WDSUB1: variants seen among roughly 807,000 people sequenced by gnomAD.
The protein encoded by WDSUB1 is WD repeat, sterile alpha motif and U-box domain containing 1.
In WDSUB1, 49 loss-of-function variants were observed where a neutral mutation model predicts 53.9. That is an observed-to-expected ratio of 0.91 (90% CI 0.72 to 1.15). The LOEUF is 1.15. Ranked by LOEUF, WDSUB1 falls within the 50% of genes most tolerant of loss-of-function variation. The probability of loss-of-function intolerance (pLI) is 0.00; values close to 1 mark genes in which losing one functional copy is unlikely to be tolerated. For synonymous variants in WDSUB1, 194 were observed against 200.6 expected (o/e 0.97, Z 0.28); for missense variants, 514 against 562.0 (o/e 0.91, Z 0.86).
At position 159,254,994 on chromosome 2, in the gene WDSUB1, G is replaced by C. The variant is rs1444749199; in HGVS notation, c.1132+1202C>G. On this transcript the variant is annotated intron_variant, in intron 9 of 10. Coordinates refer to ENST00000359774, the MANE Select transcript of WDSUB1 (RefSeq NM_001128212.3). ...AATTTGTAAAAATAAGCTGGGCGTG[G>C]TAGCATGTGCATGTGGTCCCAATTA... Among the ~76,000 whole-genome samples, 3 of 152,124 alleles carry C rather than the reference G, an allele frequency of 2.0e-5. No individual in the cohort carries two copies. In the East Asian group the frequency reaches 5.8e-4, roughly 29 times the overall value.
intron 10 of WDSUB1, among the ~76,000 whole-genome samples, chr2:159,246,383 G>A (rs2060796479): frequency 7.1e-6 from 1 of 140,848 alleles, no homozygotes; most frequent in Non-Finnish European, 1.5e-5. Context: ...AGTGAGCAGA[G>A]ATCACACCAC....
At chr2:159,255,814 G>A (rs2061049910) in intron 9 of WDSUB1, among the ~76,000 whole-genome samples, 5 of 152,002 alleles carry the variant, frequency 3.3e-5, no homozygotes. Flanking sequence ...ATAGTGTCTG[G>A]CAATTATGTT....
At chr2:159,253,287 A>G (rs6723106) in intron 9 of WDSUB1, among the ~76,000 whole-genome samples, 76,560 of 152,040 alleles carry the variant, frequency 0.5, 20,018 homozygotes, top group Non-Finnish European at 0.55. Context: ...TACTCTGTCC[A>G]GACATTCCTT....
At position 159,279,785 on chromosome 2, in the gene WDSUB1, C is replaced by T. The variant is rs75624446; in HGVS notation, c.559G>A (p.Asp187Asn). 35 of 1,602,646 alleles carry T rather than the reference C, an allele frequency of 2.2e-5. No homozygotes were observed. The East Asian group carries it at 4.5e-4, about 20-fold the overall frequency. ...CCAGAAACTGGCTGTGAAGAAAAATCGCAGCAGGTAATTCCAAGATCATGT... is the reference window on the plus strand; with the variant it reads ...CCAGAAACTGGCTGTGAAGAAAAATTGCAGCAGGTAATTCCAAGATCATGT... ...KAHDLGITCCDFSSQPVSDGE... is the reference protein window; with the variant it reads ...KAHDLGITCCNFSSQPVSDGE... The change falls in exon 3 of 11, where the codon GAT becomes AAT. Residue 187 changes from aspartate (D) to asparagine (N), a missense_variant. By Grantham distance (23) the Asp-to-Asn change is conservative (BLOSUM62 1). Coordinates refer to ENST00000359774, the MANE Select transcript of WDSUB1 (RefSeq NM_001128212.3).
Position 159,248,386 on chromosome 2 carries a change from G to A in WDSUB1, c.1259C>T (p.Pro420Leu), listed in dbSNP as rs758437110. 4.5e-5 allele frequency: 73 copies of A among 1,611,066 alleles called. No individual in the cohort carries two copies. Among genetic ancestry groups the A allele is most frequent in the South Asian group, 1.8e-4 (16 of 90,658 alleles). The change falls in exon 10 of 11, where the codon CCG becomes CTG. Residue 420 changes from proline to leucine, a missense_variant. By Grantham distance (98) the Pro-to-Leu change is moderately conservative (BLOSUM62 -3). Coordinates refer to ENST00000359774, the MANE Select transcript of WDSUB1 (RefSeq NM_001128212.3). ...ATCACACATACCTGATGCGATGACC[G>A]GATCTTTCATAAGTTCTCTAGTTAT... ...CPITRELMKD[P>L]VIASDGYSYE...
chr2:159,241,052 C>T (rs1238167133), intron 10 of WDSUB1, among the ~76,000 whole-genome samples: 1 of 152,190 alleles, frequency 6.6e-6, no homozygotes, highest in Non-Finnish European at 1.5e-5. Context: ...TATACTTGAA[C>T]TGCAACTGAA....
chr2:159,246,288 C>T (rs374686756), intron 10 of WDSUB1, among the ~76,000 whole-genome samples: 13 of 151,994 alleles, frequency 8.6e-5, no homozygotes, highest in African/African-American at 2.4e-4. Context: ...AAAAATTAGC[C>T]GGGCGTGGTG....
intron 3 of WDSUB1, among the ~76,000 whole-genome samples, chr2:159,278,063 T>C (rs1285171116): frequency 6.6e-6 from 1 of 152,150 alleles, no homozygotes; most frequent in Non-Finnish European, 1.5e-5. Context: ...ACTAATATAA[T>C]AGTATTTTCA....
At chr2:159,248,609 G>C in intron 9 of WDSUB1, 97 bp from the exon 10 acceptor site, 1 of 1,338,428 alleles carries the variant, frequency 7.5e-7, no homozygotes, top group Non-Finnish European at 9.7e-7. Context: ...GTTTGTTGTT[G>C]GGGTTGATTT....
Position 159,256,246 on chromosome 2 carries a change from T to C in WDSUB1, c.1082A>G (p.Lys361Arg). ...TTCTTTTGTAAGATTCAACAGTTCT[T>C]TTCCATCAATGTTATTCATCTTGAA... The part of the protein sequence containing the change: ...GIFKMNNIDG[K>R]ELLNLTKESL... Residue 361 changes from lysine to arginine, a missense_variant, in exon 9 of 11, where the codon AAA (lysine) becomes AGA (arginine). Coordinates refer to ENST00000359774, the MANE Select transcript of WDSUB1 (RefSeq NM_001128212.3). 1.2e-6 allele frequency: 2 copies of C among 1,610,216 alleles called. No homozygotes were observed. The highest frequency in any genetic ancestry group is 1.7e-6 in the Non-Finnish European group (2 of 1,178,988).
intron 3 of WDSUB1, 47 bp from the exon 4 acceptor site, chr2:159,275,685 A>G: frequency 1.5e-6 from 2 of 1,329,494 alleles, no homozygotes; most frequent in South Asian, 2.7e-5. Context: ...AAACACTGAA[A>G]CCCCCCCAAA....
chr2:159,282,382 C>T (rs1306695999), intron 2 of WDSUB1, among the ~76,000 whole-genome samples: 14 of 151,948 alleles, frequency 9.2e-5, no homozygotes, highest in African/African-American at 3.4e-4. Flanking sequence ...TTAGTAGAGA[C>T]GGGGTTTCAC....
chr2:159,259,659 G>T, intron 6 of WDSUB1, 151 bp downstream of exon 6: 1 of 826,990 alleles, frequency 1.2e-6, no homozygotes, highest in Non-Finnish European at 1.8e-6. Context: ...TATCTTACTT[G>T]CGTAACTATT....
At chr2:159,257,902 A>G (rs1336281377) in intron 7 of WDSUB1, 38 bp from the exon 8 acceptor site, 12 of 1,609,132 alleles carry the variant, frequency 7.5e-6, no homozygotes, top group Non-Finnish European at 1.0e-5. Flanking sequence ...TCTTCTGACT[A>G]ATTTTTAAAT....
rs1405448659 is a variant in WDSUB1, at chr2:159,247,922, TATATAA to T, written c.1273+444_1273+449del. ...ATATATATATATAAATATATATATA[TATATAA>T]ATATATATATATATAAAATTTGGAT... On this transcript the variant is annotated intron_variant, in intron 10 of 10. Transcript: ENST00000359774. 3.5e-3 allele frequency among the ~76,000 whole-genome samples: 264 copies of T among 74,968 alleles called. 7 individuals carry two copies. In the East Asian group the frequency reaches 0.046, roughly 13 times the overall value. The allele number at this position is 74,968 out of a possible 152,430, so 49.2% of individuals were successfully genotyped here. A position where few individuals can be genotyped will look rare whatever the true frequency, so the allele number is the denominator to read the frequency against.
At chr2:159,237,772 GGGT>G (rs2060523794) in intron 10 of WDSUB1, among the ~76,000 whole-genome samples, 1 of 152,230 alleles carries the variant, frequency 6.6e-6, no homozygotes, top group Non-Finnish European at 1.5e-5. Context: ...AAGGACATCT[GGGT>G]GGTTTCCAAT....
At chr2:159,246,407 G>C (rs1438410253) in intron 10 of WDSUB1, among the ~76,000 whole-genome samples, 1 of 148,364 alleles carries the variant, frequency 6.7e-6, no homozygotes, top group Non-Finnish European at 1.5e-5. Flanking sequence ...ACTCCAGCCT[G>C]GGCAACAGAG....
intron 10 of WDSUB1, among the ~76,000 whole-genome samples, chr2:159,245,392 G>C (rs1156442872): frequency 6.6e-6 from 1 of 152,040 alleles, no homozygotes; most frequent in Non-Finnish European, 1.5e-5. Flanking sequence ...AATTAGCCAG[G>C]CATGGTGTTA....
intron 5 of WDSUB1, among the ~76,000 whole-genome samples, chr2:159,260,517 C>G (rs144310167): frequency 6.6e-6 from 1 of 152,298 alleles, no homozygotes; most frequent in African/African-American, 2.4e-5. Context: ...TAGCACTATT[C>G]TTTACCATTG....
Sources: allele counts gnomAD v4.1 joint callset (sites outside exome capture counted in the v4.1 genomes callset), GRCh38; gene constraint gnomAD v4.1.1; transcripts MANE v1.5; gene names NCBI Gene and HGNC (gene_info 2026-07-23, HGNC 2026-07-21).